LOXHD1: variants seen among roughly 807,000 people sequenced by gnomAD.
LOXHD1 encodes lipoxygenase homology PLAT domains 1.
Under a neutral mutation model 248.2 loss-of-function variants are expected in LOXHD1, and 205 were observed. The observed-to-expected ratio is 0.83, with a 90% confidence interval of 0.74 to 0.93. The LOEUF (loss-of-function observed/expected upper bound fraction) is 0.93, where lower values mean the gene tolerates loss of function less well. LOXHD1 is among the 40% of genes least tolerant of loss of function. The probability of loss-of-function intolerance (pLI) is 0.00; values close to 1 mark genes in which losing one functional copy is unlikely to be tolerated. For missense variants in LOXHD1, 2,930 were observed against 2,971.6 expected (o/e 0.99, Z 0.33); for synonymous variants, 1,113 against 1,162.8 (o/e 0.96, Z 0.87).
intron 37 of LOXHD1, among the ~76,000 whole-genome samples, chr18:46,495,454 C>T (rs1024971770): frequency 6.6e-6 from 1 of 150,804 alleles, no homozygotes; most frequent in African/African-American, 2.4e-5. Context: ...CATTTGTAAC[C>T]TTAATTGATC....
intron 4 of LOXHD1, among the ~76,000 whole-genome samples, chr18:46,622,054 G>A (rs776839459): frequency 2.6e-5 from 4 of 152,220 alleles, no homozygotes; most frequent in Non-Finnish European, 5.9e-5. Context: ...CCCAGGACAG[G>A]TAGTTGCTAA....
At chr18:46,520,166 G>A in intron 33 of LOXHD1, 1 of 457,734 alleles carries the variant, frequency 2.2e-6, no homozygotes, top group South Asian at 1.6e-5. Context: ...TGCTCTCTGA[G>A]TCTCTAGCAG....
At chr18:46,519,541 T>C (rs2035459790) in intron 33 of LOXHD1, among the ~76,000 whole-genome samples, 1 of 152,150 alleles carries the variant, frequency 6.6e-6, no homozygotes, top group Non-Finnish European at 1.5e-5. Flanking sequence ...GCCTCTTGCT[T>C]TACCAAGAAA....
intron 11 of LOXHD1, 147 bp downstream of exon 11, chr18:46,592,351 G>A (rs1171721799): frequency 6.7e-6 from 5 of 750,384 alleles, no homozygotes; most frequent in African/African-American, 1.8e-5. Context: ...CCTGTGGCCT[G>A]TATCCAAATT....
chr18:46,477,381 C>T lies in LOXHD1; in HGVS notation c.*91G>A. The T allele has an allele frequency of 6.6e-7, 1 of 1,518,448 alleles. No homozygotes were observed. Among genetic ancestry groups the T allele is most frequent in the Non-Finnish European group, 8.9e-7 (1 of 1,126,720 alleles). The allele number at this position is 1,518,448 out of a possible 1,614,324, so 94.1% of individuals were successfully genotyped here. ...GGACTGCTAGCCCCCAGTGCCAATG[C>T]TAGAGGCTTTGAAGGGCTGCTGACC... On this transcript the variant is annotated 3_prime_UTR_variant, in exon 41 of 41. Transcript: ENST00000642948.
Position 46,509,772 on chromosome 18 carries a change from CT to C in LOXHD1, c.5442del (p.Asp1815ThrfsTer28), listed in dbSNP as rs1568115089. 1.3e-6 allele frequency: 2 copies of C among 1,546,660 alleles called. No individual in the cohort carries two copies. The highest frequency in any genetic ancestry group is 1.7e-6 in the Non-Finnish European group (2 of 1,144,186). On this transcript the variant is annotated frameshift_variant, in exon 35 of 41. Coordinates refer to ENST00000642948, the MANE Select transcript of LOXHD1 (RefSeq NM_001384474.1). LOFTEE classifies it high-confidence loss of function. ...CGCATCTTGGTGAATGGAGCAATGT[CT>C]AGGATCTCCATGATGAAGGTGTCGT... ...EQNDTFIMEI[L>X]DIAPFTKMRI...
Position 46,618,246 on chromosome 18 carries a change from C to T in LOXHD1, c.556G>A (p.Ala186Thr), listed in dbSNP as rs2038617340. The T allele has an allele frequency of 6.4e-7, 1 of 1,551,500 alleles. No homozygotes were observed. The highest frequency in any genetic ancestry group is 1.2e-5 in the South Asian group (1 of 84,044). The stretch of plus-strand genomic sequence containing the variant: ...ATGAAGACATCAGCATCTGTCCCTG[C>T]ACCAATTACATCACCAGTGTATACC... ...VKVYTGDVIG[A>T]GTDADVFINI... Residue 186 changes from alanine (A) to threonine (T), a missense_variant, in exon 5 of 41, where the codon GCA becomes ACA. Ala to Thr is a moderately conservative substitution (Grantham distance 58). Coordinates refer to ENST00000642948, the MANE Select transcript of LOXHD1 (RefSeq NM_001384474.1).
chr18:46,517,870 A>G (rs1164125397), intron 34 of LOXHD1, among the ~76,000 whole-genome samples: 1 of 152,242 alleles, frequency 6.6e-6, no homozygotes, highest in Non-Finnish European at 1.5e-5. Flanking sequence ...CAACCTTACA[A>G]TAAACAATTT....
rs530916636 is a variant in LOXHD1 at position 46,490,594 on chromosome 18, G to A, written c.5879-1452C>T. 1.2e-4 allele frequency among the ~76,000 whole-genome samples: 18 copies of A among 152,250 alleles called. No individual in the cohort carries two copies. The South Asian group carries it at 3.5e-3, about 30-fold the overall frequency. ...AGGTTCAAGCAATTCTCCTGCCTCAGCCTCCCAAGTAGCTGGGATTACAGG... is the reference window on the plus strand; with the variant it reads ...AGGTTCAAGCAATTCTCCTGCCTCAACCTCCCAAGTAGCTGGGATTACAGG... On this transcript the variant is annotated intron_variant, in intron 37 of 40. Coordinates refer to ENST00000642948, the MANE Select transcript of LOXHD1 (RefSeq NM_001384474.1).
At chr18:46,649,128 T>C (rs1568234383) in intron 2 of LOXHD1, 27 bp downstream of exon 2, 1 of 1,524,970 alleles carries the variant, frequency 6.6e-7, no homozygotes, top group Admixed American at 2.0e-5. Context: ...TGGCCCAGGA[T>C]CCCACCAAGG....
chr18:46,522,183 C>T lies in LOXHD1; in HGVS notation c.5003G>A (p.Arg1668Gln), dbSNP rs572531886. ...RSKRIWLDYP[R>Q]GKRGFSRGSV... ...GCCACGGCTGAAGCCCCTCTTCCCT[C>T]GGGGGTAGTCCAACCAGATGCGCTT... Residue 1668 changes from arginine to glutamine, a missense_variant, in exon 32 of 41, where the codon CGA (arginine) becomes CAA (glutamine). Coordinates refer to ENST00000642948, the MANE Select transcript of LOXHD1 (RefSeq NM_001384474.1). 5.5e-5 allele frequency: 85 copies of T among 1,551,722 alleles called. No homozygotes were observed. The highest frequency in any genetic ancestry group is 2.4e-4 in the South Asian group (20 of 84,058).
intron 6 of LOXHD1, among the ~76,000 whole-genome samples, chr18:46,605,704 C>A (rs1039360485): frequency 4.6e-5 from 7 of 152,032 alleles, no homozygotes; most frequent in African/African-American, 1.7e-4. Flanking sequence ...CTCCAATCAA[C>A]CCTGGATGTG....
At position 46,639,666 on chromosome 18, in the gene LOXHD1, T is replaced by A; in HGVS notation, c.461A>T (p.Gln154Leu). ...GCTGGCCAGCAGGTCACGGCACCAC[T>A]GGCGGTCACCTTCCACCTTGCTCAG... ...NWLSKVEGDRQWCRDLLASFN... is the reference protein window; with the variant it reads ...NWLSKVEGDRLWCRDLLASFN... The change falls in exon 4 of 41, where the codon CAG becomes CTG. Residue 154 changes from glutamine to leucine, a missense_variant. Gln to Leu is a moderately radical substitution (Grantham distance 113). Coordinates refer to ENST00000642948, the MANE Select transcript of LOXHD1 (RefSeq NM_001384474.1). 1 of 1,551,750 alleles carries A rather than the reference T, an allele frequency of 6.4e-7. No individual in the cohort carries two copies. Among genetic ancestry groups the A allele is most frequent in the Non-Finnish European group, 8.7e-7 (1 of 1,147,002 alleles).
At chr18:46,565,070 C>A (rs760609088) in intron 17 of LOXHD1, among the ~76,000 whole-genome samples, 36 of 152,204 alleles carry the variant, frequency 2.4e-4, no homozygotes, top group Admixed American at 2.6e-4. Flanking sequence ...TGGAGACCAG[C>A]CTGGCCAACA....
chr18:46,614,137 C>T (rs567832727), intron 5 of LOXHD1, among the ~76,000 whole-genome samples: 2 of 152,310 alleles, frequency 1.3e-5, no homozygotes, highest in African/African-American at 4.8e-5. Flanking sequence ...CAAACTAGTT[C>T]AACCATTGTG....
At chr18:46,519,714 G>C (rs149820351) in intron 33 of LOXHD1, among the ~76,000 whole-genome samples, 103 of 152,286 alleles carry the variant, frequency 6.8e-4, no homozygotes, top group African/African-American at 2.3e-3. Context: ...GCCCCTGAGA[G>C]CTGGTCCGTC....
intron 2 of LOXHD1, among the ~76,000 whole-genome samples, chr18:46,648,130 C>T (rs545584014): frequency 3.3e-5 from 5 of 152,244 alleles, no homozygotes; most frequent in South Asian, 4.2e-4. Context: ...TGGTGGCACA[C>T]GCCTGTAGTT....
rs1186211019 is a variant in LOXHD1, at chr18:46,563,119, G to C, written c.2544C>G (p.Leu848=). 2 of 1,546,912 alleles carry C rather than the reference G, an allele frequency of 1.3e-6. No individual in the cohort carries two copies. Among genetic ancestry groups the C allele is most frequent in the South Asian group, 2.4e-5 (2 of 83,952 alleles). Residue 848 remains leucine, a synonymous_variant, in exon 18 of 41, where the codon CTC becomes CTG. Transcript: ENST00000642948. ...AAACTTTTGAGCGGCTGGAGAGGAAGAGCACTTCTGTCTTGCCTTTCTCTC... is the reference window on the plus strand; with the variant it reads ...AAACTTTTGAGCGGCTGGAGAGGAACAGCACTTCTGTCTTGCCTTTCTCTC... ...IYGEKGKTEV[L]FLSSRSKVFE...
At chr18:46,583,323 G>A (rs548588451) in intron 12 of LOXHD1, among the ~76,000 whole-genome samples, 38 of 152,126 alleles carry the variant, frequency 2.5e-4, no homozygotes, top group South Asian at 4.1e-4. Context: ...ATAATATTAC[G>A]TCAAACTTTT....
Sources: allele counts gnomAD v4.1 joint callset (sites outside exome capture counted in the v4.1 genomes callset), GRCh38; gene constraint gnomAD v4.1.1; transcripts MANE v1.5; gene names NCBI Gene and HGNC (gene_info 2026-07-23, HGNC 2026-07-21).